The following HAT1 variants were observed in gnomAD, a reference collection of about 807,000 sequenced individuals.
The protein encoded by HAT1 is histone acetyltransferase 1.
A neutral mutation model predicts 56.6 loss-of-function variants in HAT1; 20 were observed. The ratio of observed to expected loss-of-function variants is 0.35; its 90% CI spans 0.25 to 0.51. The LOEUF (loss-of-function observed/expected upper bound fraction) is 0.51. Ranked by LOEUF, HAT1 falls within the 20% of genes least tolerant of loss-of-function variation. HAT1 has a pLI of 0.95. For synonymous variants in HAT1, 146 were observed against 165.5 expected (o/e 0.88, Z 0.91); for missense variants, 408 against 504.3 (o/e 0.81, Z 1.83).
intron 2 of HAT1, among the ~76,000 whole-genome samples, chr2:171,935,919 G>A (rs1686862295): frequency 6.6e-6 from 1 of 151,922 alleles, no homozygotes; most frequent in African/African-American, 2.4e-5. Flanking sequence ...TGGGGGTATA[G>A]GGAGTGAGGT....
At chr2:171,973,536 C>T (rs544704277) in intron 8 of HAT1, among the ~76,000 whole-genome samples, 7 of 152,148 alleles carry the variant, frequency 4.6e-5, no homozygotes, top group Admixed American at 2.6e-4. Context: ...TCCCGGGCTA[C>T]GGACTGGTAC....
At chr2:171,960,249 G>T (rs1041378532) in intron 4 of HAT1, among the ~76,000 whole-genome samples, 2 of 152,178 alleles carry the variant, frequency 1.3e-5, no homozygotes, top group African/African-American at 4.8e-5. Flanking sequence ...GGACTTAGTT[G>T]TCAGAGTAAG....
intron 8 of HAT1, among the ~76,000 whole-genome samples, chr2:171,973,977 C>T (rs537391353): frequency 6.2e-4 from 94 of 151,732 alleles, no homozygotes; most frequent in African/African-American, 2.2e-3. Context: ...CCCAGGAGTT[C>T]GAGAGCAGCC....
In HAT1 at chr2:171,946,716, C is replaced by A; in HGVS notation, c.121C>A (p.Pro41Thr). The part of the protein sequence containing the change: ...TAIELKLVRF[P>T]EDLENDIRTF... ...TTTGTCCCTTGAAACAGTTCGTTTT[C>A]CTGAAGATCTTGAAAATGACATTAG... Residue 41 changes from proline to threonine, a missense_variant, in exon 3 of 11, where the codon CCT becomes ACT. Coordinates refer to ENST00000264108, the MANE Select transcript of HAT1 (RefSeq NM_003642.4). 1 of 1,572,428 alleles carries A rather than the reference C, an allele frequency of 6.4e-7. No homozygotes were observed. The highest frequency in any genetic ancestry group is 8.7e-7 in the Non-Finnish European group (1 of 1,148,200).
At chr2:171,974,104 A>T (rs766843963) in intron 8 of HAT1, among the ~76,000 whole-genome samples, 1 of 139,344 alleles carries the variant, frequency 7.2e-6, no homozygotes, top group Non-Finnish European at 1.5e-5. Context: ...ACTGGAGCCC[A>T]GGAGGTTGAG....
intron 2 of HAT1, among the ~76,000 whole-genome samples, chr2:171,939,179 G>T (rs965274900): frequency 3.3e-5 from 5 of 152,168 alleles, no homozygotes; most frequent in African/African-American, 9.7e-5. Context: ...TTCTTTTGTG[G>T]TTGGGAATTA....
chr2:171,951,549 A>T (rs546637331), intron 3 of HAT1, among the ~76,000 whole-genome samples: 4 of 148,796 alleles, frequency 2.7e-5, no homozygotes, highest in Non-Finnish European at 5.9e-5. Flanking sequence ...CCTCTTGAGT[A>T]GCTGGGATTA....
At chr2:171,946,972 G>A (rs901099793) in intron 3 of HAT1, among the ~76,000 whole-genome samples, 189 bp downstream of exon 3, 1 of 151,984 alleles carries the variant, frequency 6.6e-6, no homozygotes, top group Non-Finnish European at 1.5e-5. Context: ...ATTTAGTGCT[G>A]TAAATGCATT....
intron 2 of HAT1, among the ~76,000 whole-genome samples, chr2:171,935,083 C>T (rs1472657312): frequency 6.6e-6 from 1 of 150,796 alleles, no homozygotes; most frequent in Non-Finnish European, 1.5e-5. Flanking sequence ...TACGAGGCTG[C>T]TATGAAAAAA....
At chr2:171,930,226 G>A (rs1183933692) in intron 2 of HAT1, among the ~76,000 whole-genome samples, 1 of 152,120 alleles carries the variant, frequency 6.6e-6, no homozygotes, top group East Asian at 1.9e-4. Flanking sequence ...AGGATGGAGT[G>A]CAGTAGCGTG....
chr2:171,966,600 T>C, intron 7 of HAT1, 87 bp downstream of exon 7: 1 of 742,326 alleles, frequency 1.3e-6, no homozygotes, highest in Non-Finnish European at 2.4e-6. Flanking sequence ...ATAGTGTTGA[T>C]TTGTTTAAAA....
At chr2:171,928,584 A>G (rs1193217535) in intron 2 of HAT1, among the ~76,000 whole-genome samples, 1 of 151,924 alleles carries the variant, frequency 6.6e-6, no homozygotes, top group Non-Finnish European at 1.5e-5. Flanking sequence ...TTGCGGCTCA[A>G]TGCGATCTCC....
intron 2 of HAT1, among the ~76,000 whole-genome samples, chr2:171,926,993 A>AT (rs1279505813): frequency 3.3e-5 from 5 of 152,250 alleles, no homozygotes; most frequent in Non-Finnish European, 1.5e-5. Flanking sequence ...TCTGATACCT[A>AT]TTGCAGTAAA....
At chr2:171,926,612 A>G (rs1686599927) in intron 2 of HAT1, among the ~76,000 whole-genome samples, 1 of 151,998 alleles carries the variant, frequency 6.6e-6, no homozygotes, top group African/African-American at 2.4e-5. Flanking sequence ...TTTTTCATAG[A>G]GATGGACCCT....
At chr2:171,972,547 A>G (rs1687843512) in intron 8 of HAT1, among the ~76,000 whole-genome samples, 1 of 152,170 alleles carries the variant, frequency 6.6e-6, no homozygotes, top group Admixed American at 6.5e-5. Context: ...CACAGGTGTG[A>G]GCAGCTGCAC....
chr2:171,983,247 G>A lies in HAT1; in HGVS notation c.1155G>A (p.Gln385=). Residue 385 remains glutamine (Q), a synonymous_variant, in exon 11 of 11, where the codon CAG becomes CAA. Coordinates refer to ENST00000264108, the MANE Select transcript of HAT1 (RefSeq NM_003642.4). Reference sequence around the variant, plus strand: ...TCAGACCAGAAGAACTGACAAACCAGATGAACCAAATAGAAATAAGCATGC... The same window carrying A: ...TCAGACCAGAAGAACTGACAAACCAAATGAACCAAATAGAAATAAGCATGC... ...KCLRPEELTN[Q]MNQIEISMQH... is the part of the protein sequence containing the mutation. The A allele has an allele frequency of 6.2e-7, 1 of 1,605,072 alleles. No individual in the cohort carries two copies. The highest frequency in any genetic ancestry group is 8.5e-7 in the Non-Finnish European group (1 of 1,172,848).
chr2:171,970,240 T>A, intron 8 of HAT1, among the ~76,000 whole-genome samples: 1 of 151,822 alleles, frequency 6.6e-6, no homozygotes, highest in East Asian at 2.0e-4. Flanking sequence ...GCTAGCATGG[T>A]GAAACCCTGT....
At chr2:171,965,941 ATTAC>A in intron 6 of HAT1, 33 bp downstream of exon 6, 1 of 1,579,492 alleles carries the variant, frequency 6.3e-7, no homozygotes. Context: ...AGTAGACCTT[ATTAC>A]CTCCACAAAG....
At chr2:171,931,519 C>T (rs1450236805) in intron 2 of HAT1, among the ~76,000 whole-genome samples, 3 of 152,024 alleles carry the variant, frequency 2.0e-5, no homozygotes, top group Non-Finnish European at 2.9e-5. Flanking sequence ...ACTAAAAATA[C>T]AAAAATTAGC....
Sources: allele counts gnomAD v4.1 joint callset (sites outside exome capture counted in the v4.1 genomes callset), GRCh38; gene constraint gnomAD v4.1.1; transcripts MANE v1.5; gene names NCBI Gene and HGNC (gene_info 2026-07-23, HGNC 2026-07-21).